Variants in FRMPD4 observed in about 807,000 individuals in gnomAD.
The protein encoded by FRMPD4 is FERM and PDZ domain-containing protein 4.
A neutral mutation model predicts 94.1 loss-of-function variants in FRMPD4; 22 were observed. The observed-to-expected ratio is 0.23, with a 90% confidence interval of 0.17 to 0.33. The LOEUF (loss-of-function observed/expected upper bound fraction) is 0.33, where lower values mean the gene tolerates loss of function less well. Among genes scored for constraint, FRMPD4 ranks in the 10% least tolerant of loss-of-function variants. FRMPD4 has a pLI of 1.00. For synonymous variants in FRMPD4, 631 were observed against 548.6 expected, an observed-to-expected ratio of 1.15 and a Z score of -2.10; for missense variants, 1,111 against 1,339.9, an observed-to-expected ratio of 0.83 and a Z score of 2.67.
chrX:12,715,283 G>T (rs936798834), intron 14 of FRMPD4, among the ~76,000 whole-genome samples: 4 of 111,549 alleles, frequency 3.6e-5, no homozygotes, highest in Non-Finnish European at 5.7e-5. Flanking sequence ...AATCCATGAG[G>T]AACATGAAAC....
chrX:12,718,870 A>G lies in FRMPD4; in HGVS notation c.3964+80A>G, dbSNP rs1388131660. The G allele has an allele frequency of 4.9e-6, 3 of 616,614 alleles. No homozygotes were observed. In the African/African-American group the frequency reaches 6.7e-5, roughly 14 times the overall value. 50.8% of individuals were successfully genotyped at this position (616,614 alleles called of 1,213,427 possible). ...ATATTTACAACAAACTTAAAAACGTAATGTCTGGAAGAAAAGTAAAAGGTA... is the reference window on the plus strand; with the variant it reads ...ATATTTACAACAAACTTAAAAACGTGATGTCTGGAAGAAAAGTAAAAGGTA... On this transcript the variant is annotated intron_variant, in intron 16 of 16. Coordinates refer to ENST00000675598, the MANE Select transcript of FRMPD4 (RefSeq NM_001368397.1).
intron 3 of FRMPD4, among the ~76,000 whole-genome samples, chrX:11,957,610 T>C (rs765510891): frequency 2.7e-5 from 3 of 112,186 alleles, no homozygotes; most frequent in Non-Finnish European, 3.8e-5. Context: ...AACTAACTTA[T>C]AAGTGGACAC....
intron 1 of FRMPD4, among the ~76,000 whole-genome samples, chrX:12,182,721 C>T (rs1194306553): frequency 9.0e-6 from 1 of 110,590 alleles, no homozygotes; most frequent in Non-Finnish European, 1.9e-5. Flanking sequence ...ACTAGGTAGC[C>T]CAAGGACCAT....
intron 1 of FRMPD4, among the ~76,000 whole-genome samples, chrX:12,204,185 G>A (rs1035539573): frequency 1.8e-5 from 2 of 112,316 alleles, no homozygotes; most frequent in African/African-American, 3.2e-5. Flanking sequence ...GAGTACTACT[G>A]GCTTAGCTTG....
intron 1 of FRMPD4, among the ~76,000 whole-genome samples, chrX:12,336,749 C>T (rs1447926448): frequency 9.0e-6 from 1 of 111,687 alleles, no homozygotes; most frequent in African/African-American, 3.3e-5. Context: ...CCATGCTGAG[C>T]CTGAAAGGTC....
intron 3 of FRMPD4, among the ~76,000 whole-genome samples, chrX:12,018,119 A>G (rs1569143434): frequency 9.1e-6 from 1 of 110,110 alleles, no homozygotes; most frequent in African/African-American, 3.4e-5. Context: ...GTAACAAAGA[A>G]CCACAAACTA....
At chrX:12,505,035 C>A (rs753670265) in intron 2 of FRMPD4, among the ~76,000 whole-genome samples, 1 of 111,835 alleles carries the variant, frequency 8.9e-6, no homozygotes, top group African/African-American at 3.2e-5. Flanking sequence ...TCGCCTCTTT[C>A]TTCTCCTATG....
At chrX:12,526,695 G>A (rs754834893) in intron 2 of FRMPD4, among the ~76,000 whole-genome samples, 10 of 112,331 alleles carry the variant, frequency 8.9e-5, no homozygotes, top group Non-Finnish European at 1.7e-4. Context: ...TGACAGCATC[G>A]TGGAAATTGT....
chrX:12,364,972 C>A (rs999983679), intron 1 of FRMPD4, among the ~76,000 whole-genome samples: 1 of 112,641 alleles, frequency 8.9e-6, no homozygotes, highest in Non-Finnish European at 1.9e-5. Flanking sequence ...CTCACCTCTA[C>A]GTGTCCTGGC....
At chrX:11,952,645 G>A (rs2054230939) in intron 3 of FRMPD4, among the ~76,000 whole-genome samples, 1 of 111,534 alleles carries the variant, frequency 9.0e-6, no homozygotes, top group Non-Finnish European at 1.9e-5. Flanking sequence ...ACTCTAAGAG[G>A]GAGAAAGCTA....
At chrX:12,314,307 AG>A (rs1318451147) in intron 1 of FRMPD4, among the ~76,000 whole-genome samples, 2 of 112,357 alleles carry the variant, frequency 1.8e-5, no homozygotes, top group Admixed American at 1.9e-4. Flanking sequence ...GGAATCACAA[AG>A]ATGGTCATTC....
chrX:12,149,368 C>T (rs377039740), intron 1 of FRMPD4: 77 of 111,992 alleles, frequency 6.9e-4, no homozygotes, highest in African/African-American at 2.4e-3. Context: ...ACATTGATGA[C>T]TTATGGGAGG....
intron 2 of FRMPD4, among the ~76,000 whole-genome samples, chrX:11,865,289 A>C (rs1229958998): frequency 1.8e-5 from 2 of 112,169 alleles, no homozygotes; most frequent in Admixed American, 1.9e-4. Context: ...CAACAGTGCC[A>C]GTCTGACCAA....
chrX:11,915,293 A>G (rs753095865), intron 3 of FRMPD4, among the ~76,000 whole-genome samples: 93 of 112,680 alleles, frequency 8.3e-4, no homozygotes, highest in South Asian at 1.8e-3. Context: ...AGCATTTTCA[A>G]TGAAAGTGGT....
intron 4 of FRMPD4, among the ~76,000 whole-genome samples, chrX:12,659,589 C>T (rs2059693882): frequency 8.9e-6 from 1 of 112,497 alleles, no homozygotes; most frequent in Non-Finnish European, 1.9e-5. Context: ...CAGACATTGC[C>T]AAATATCCCC....
At chrX:12,501,959 A>G (rs1343912750) in intron 2 of FRMPD4, among the ~76,000 whole-genome samples, 2 of 111,986 alleles carry the variant, frequency 1.8e-5, no homozygotes, top group African/African-American at 6.5e-5. Flanking sequence ...CACGGGGTTA[A>G]ATGAAGGATG....
intron 3 of FRMPD4, among the ~76,000 whole-genome samples, chrX:11,891,350 C>T (rs2053872414): frequency 8.9e-6 from 1 of 112,398 alleles, no homozygotes; most frequent in Admixed American, 9.4e-5. Context: ...GATGGAAAGG[C>T]AATTTCCTCC....
intron 4 of FRMPD4, among the ~76,000 whole-genome samples, chrX:12,624,089 G>A (rs1383098621): frequency 8.9e-6 from 1 of 112,442 alleles, no homozygotes; most frequent in Admixed American, 9.4e-5. Flanking sequence ...GACAAAAGCT[G>A]AGGGAGTTCA....
intron 1 of FRMPD4, among the ~76,000 whole-genome samples, chrX:12,259,198 A>G (rs1276973123): frequency 8.9e-6 from 1 of 111,834 alleles, no homozygotes; most frequent in Non-Finnish European, 1.9e-5. Flanking sequence ...TGCCTTCTTC[A>G]ACACCTGGCT....
Sources: gnomAD v4.1 joint callset for allele counts (sites outside exome capture counted in the v4.1 genomes callset) on GRCh38, gnomAD v4.1.1 for gene constraint, MANE v1.5 for transcripts, NCBI Gene and HGNC (gene_info 2026-07-23, HGNC 2026-07-21) for gene names.